CAPN2: variants seen among roughly 807,000 people sequenced by gnomAD.
CAPN2 encodes the protein calpain 2.
CAPN2 carries 92 observed loss-of-function variants against 102.3 expected under a neutral mutation model. The observed-to-expected ratio is 0.90, with a 90% CI of 0.76 to 1.07. The LOEUF (loss-of-function observed/expected upper bound fraction) is 1.07. Ranked by LOEUF, CAPN2 falls within the 50% of genes least tolerant of loss-of-function variation. CAPN2 has a pLI of 0.00. For missense variants in CAPN2, 800 were observed against 909.4 expected (o/e 0.88, Z 1.55); for synonymous variants, 340 against 355.4 (o/e 0.96, Z 0.49).
rs1287564299 is a variant in CAPN2 at position 223,755,802 on chromosome 1, G to A, written c.1305+153G>A. 2.5e-6 allele frequency: 2 copies of A among 786,322 alleles called. No homozygotes were observed. The highest frequency in any genetic ancestry group is 1.8e-5 in the African/African-American group (1 of 56,802). 48.7% of individuals were successfully genotyped at this position (786,322 alleles called of 1,614,324 possible). A position where few individuals can be genotyped will look rare whatever the true frequency, so the allele number is the denominator to read the frequency against. On this transcript the variant is annotated intron_variant, in intron 10 of 20. Coordinates refer to ENST00000295006, the MANE Select transcript of CAPN2 (RefSeq NM_001748.5). The surrounding 1 kb of genome is among the most constrained non-coding windows in gnomAD (Gnocchi z 4.1). ...AAACTACCAGCCTGGCCAGGCTCAG[G>A]AGTAGCCCCCGTAGGGAGGCCCCTG... is the stretch of plus-strand genomic sequence containing the variant.
In CAPN2 at chr1:223,727,432, C is replaced by A. The variant is rs906406556; in HGVS notation, c.307+9601C>A. On this transcript the variant is annotated intron_variant, in intron 2 of 20. Coordinates refer to ENST00000295006, the MANE Select transcript of CAPN2 (RefSeq NM_001748.5). This position sits in a 1 kb window ranked among gnomAD's most constrained non-coding sequence, Gnocchi z 4.1. ...AATGTCTGCAGACCTTGCCAAATGTCCCCTGGGGGCTTGGCGGAGTTGGGG... is the reference window on the plus strand; with the variant it reads ...AATGTCTGCAGACCTTGCCAAATGTACCCTGGGGGCTTGGCGGAGTTGGGG... Among the ~76,000 whole-genome samples, 2 of 152,158 alleles carry A rather than the reference C, an allele frequency of 1.3e-5. No homozygotes were observed. Among genetic ancestry groups the A allele is most frequent in the Non-Finnish European group, 2.9e-5 (2 of 68,036 alleles).
Position 223,754,013 on chromosome 1 carries a change from C to G in CAPN2, c.1135+1057C>G, listed in dbSNP as rs776179114. Among the ~76,000 whole-genome samples the G allele has an allele frequency of 6.6e-6, 1 of 152,240 alleles. No individual in the cohort carries two copies. The highest frequency in any genetic ancestry group is 1.5e-5 in the Non-Finnish European group (1 of 68,046). The stretch of plus-strand genomic sequence containing the variant: ...TCCCAACAAACTTCTGAGGCAGGCA[C>G]TTTCTTATCACCTCCATCTCTAAGA... On this transcript the variant is annotated intron_variant, in intron 9 of 20. Coordinates refer to ENST00000295006, the MANE Select transcript of CAPN2 (RefSeq NM_001748.5). This position sits in a 1 kb window ranked among gnomAD's most constrained non-coding sequence, Gnocchi z 4.7.
rs751223897 is a variant in CAPN2, at chr1:223,774,883, T to A, written c.*26T>A. On this transcript the variant is annotated 3_prime_UTR_variant, in exon 21 of 21. Transcript: ENST00000295006. Reference sequence around the variant, plus strand: ...AGTTATAACTAATCTGCCTGAAGACTTCTCATGATGGAAAATCAGCCAAGG... The same window carrying A: ...AGTTATAACTAATCTGCCTGAAGACATCTCATGATGGAAAATCAGCCAAGG... The A allele has an allele frequency of 6.2e-7, 1 of 1,604,938 alleles. No individual in the cohort carries two copies. The highest frequency in any genetic ancestry group is 1.1e-5 in the South Asian group (1 of 90,364).
intron 5 of CAPN2, among the ~76,000 whole-genome samples, chr1:223,747,425 T>C (rs1015830107): frequency 4.8e-4 from 73 of 152,276 alleles, no homozygotes; most frequent in African/African-American, 1.7e-3. Context: ...CTACCACGCA[T>C]TGGGATACAG....
At chr1:223,737,020 C>T (rs1015257701) in intron 2 of CAPN2, among the ~76,000 whole-genome samples, 1 of 151,924 alleles carries the variant, frequency 6.6e-6, no homozygotes, top group Non-Finnish European at 1.5e-5. Flanking sequence ...GCCTGGGTGA[C>T]AGAGTGAGAA....
At position 223,704,061 on chromosome 1, in the gene CAPN2, C is replaced by A. The variant is rs182782610; in HGVS notation, c.3+2230C>A. On this transcript the variant is annotated intron_variant, in intron 1 of 20. Transcript: ENST00000433674. ...ATCCGAGCACTTTGTGAGGCCAGGG[C>A]AGGCAGATCACTTGAGGTCAGGAGT... Among the ~76,000 whole-genome samples the A allele has an allele frequency of 2.2e-3, 333 of 152,250 alleles. 2 individuals carry two copies. The highest frequency in any genetic ancestry group is 4.0e-3 in the Non-Finnish European group (270 of 68,016).
At chr1:223,719,998 C>T (rs1270506044) in intron 2 of CAPN2, among the ~76,000 whole-genome samples, 3 of 152,168 alleles carry the variant, frequency 2.0e-5, no homozygotes, top group Non-Finnish European at 4.4e-5. Flanking sequence ...TCACCAAATC[C>T]CAACAGCCTC....
chr1:223,716,851 C>T (rs900351175), intron 1 of CAPN2, among the ~76,000 whole-genome samples: 1 of 151,992 alleles, frequency 6.6e-6, no homozygotes, highest in Admixed American at 6.6e-5. Flanking sequence ...ATGACAATGG[C>T]CCCTGAGGTT....
chr1:223,753,220 G>A (rs1299879189), intron 9 of CAPN2, among the ~76,000 whole-genome samples: 1 of 152,030 alleles, frequency 6.6e-6, no homozygotes, highest in African/African-American at 2.4e-5. Context: ...TCCTCTCCAG[G>A]CCCTAGATTC....
At chr1:223,712,441 GGGCCGGGAGCCCAGCA>G (rs955540474), upstream of CAPN2, 9 of 1,113,052 alleles carry the variant, frequency 8.1e-6, no homozygotes, top group African/African-American at 5.0e-5. Flanking sequence ...GCCTGGTCCC[GGGCCGGGAGCCCAGCA>G]GGCCGGGAGC....
chr1:223,756,516 T>G lies in CAPN2; in HGVS notation c.1306-853T>G, dbSNP rs1391834490. ...CCCTGGCAGGGACCTGTTTACACCA[T>G]GGAAAGTGGCAAATAGTACAAATCA... On this transcript the variant is annotated intron_variant, in intron 10 of 20. Coordinates refer to ENST00000295006, the MANE Select transcript of CAPN2 (RefSeq NM_001748.5). This position sits in a 1 kb window ranked among gnomAD's most constrained non-coding sequence, Gnocchi z 4.1. Among the ~76,000 whole-genome samples the G allele has an allele frequency of 6.6e-6, 1 of 152,090 alleles. No individual in the cohort carries two copies. The highest frequency in any genetic ancestry group is 6.5e-5 in the Admixed American group (1 of 15,268).
chr1:223,715,799 G>A (rs370176734), intron 1 of CAPN2, among the ~76,000 whole-genome samples: 1 of 152,158 alleles, frequency 6.6e-6, no homozygotes, highest in Admixed American at 6.5e-5. Flanking sequence ...TCAGCTGGCC[G>A]AACTCAGCCT....
chr1:223,741,540 C>T (rs996704257), intron 2 of CAPN2, among the ~76,000 whole-genome samples: 4 of 150,746 alleles, frequency 2.7e-5, no homozygotes, highest in Non-Finnish European at 2.9e-5. Flanking sequence ...CTGCAACCTC[C>T]GCTTCCTGGA....
At position 223,727,238 on chromosome 1, in the gene CAPN2, G is replaced by T. The variant is rs1660218236; in HGVS notation, c.307+9407G>T. Among the ~76,000 whole-genome samples the T allele has an allele frequency of 3.3e-5, 5 of 152,196 alleles. No homozygotes were observed. Among genetic ancestry groups the T allele is most frequent in the Admixed American group, 3.3e-4 (5 of 15,280 alleles). ...AGCATGCAAAACAAAAGAACAAAAG[G>T]TCTAAAGAAATATAACGCAAAACAG... On this transcript the variant is annotated intron_variant, in intron 2 of 20. Transcript: ENST00000295006. The surrounding 1 kb of genome is among the most constrained non-coding windows in gnomAD (Gnocchi z 4.1).
rs966792679 is a variant in CAPN2 at position 223,759,117 on chromosome 1, T to C, written c.1318-153T>C. On this transcript the variant is annotated intron_variant, in intron 11 of 20. Coordinates refer to ENST00000295006, the MANE Select transcript of CAPN2 (RefSeq NM_001748.5). This position sits in a 1 kb window ranked among gnomAD's most constrained non-coding sequence, Gnocchi z 4.6. ...TGAGGGCTTCCTGTGTTGCCCAGGCTGGTTTCTGACGCCTGGCCTCGCCTC... is the reference window on the plus strand; with the variant it reads ...TGAGGGCTTCCTGTGTTGCCCAGGCCGGTTTCTGACGCCTGGCCTCGCCTC... The C allele has an allele frequency of 5.8e-6, 4 of 694,654 alleles. No individual in the cohort carries two copies. Among genetic ancestry groups the C allele is most frequent in the Non-Finnish European group, 1.0e-5 (4 of 385,090 alleles). 43.0% of individuals were successfully genotyped at this position (694,654 alleles called of 1,614,324 possible). A position where few individuals can be genotyped will look rare whatever the true frequency, so the allele number is the denominator to read the frequency against.
intron 2 of CAPN2, 118 bp from the exon 3 acceptor site, chr1:223,743,982 C>T (rs1660686684): frequency 1.4e-6 from 1 of 723,228 alleles, no homozygotes; most frequent in Non-Finnish European, 2.5e-6. Context: ...CCTGAAACTT[C>T]ACTCTGTCTA....
rs2102807293 is a variant in CAPN2, at chr1:223,756,983, C to T, written c.1306-386C>T. ...AGGAAATGCAGACCGGACCACTGGACCTGGCTGACAGAGGCCGGCACTGCT... is the reference window on the plus strand; with the variant it reads ...AGGAAATGCAGACCGGACCACTGGATCTGGCTGACAGAGGCCGGCACTGCT... On this transcript the variant is annotated intron_variant, in intron 10 of 20. Coordinates refer to ENST00000295006, the MANE Select transcript of CAPN2 (RefSeq NM_001748.5). The surrounding 1 kb of genome is among the most constrained non-coding windows in gnomAD (Gnocchi z 4.1). 6.6e-6 allele frequency among the ~76,000 whole-genome samples: 1 copy of T among 152,264 alleles called. No homozygotes were observed. Among genetic ancestry groups the T allele is most frequent in the South Asian group, 2.1e-4 (1 of 4,828 alleles).
chr1:223,728,207 C>T (rs955148087), intron 2 of CAPN2, among the ~76,000 whole-genome samples: 1 of 152,080 alleles, frequency 6.6e-6, no homozygotes, highest in Non-Finnish European at 1.5e-5. Flanking sequence ...TGAAGGATGA[C>T]GGGGCTGAGC....
rs199564034 is a variant in CAPN2 at position 223,756,675 on chromosome 1, C to T, written c.1306-694C>T. On this transcript the variant is annotated intron_variant, in intron 10 of 20. Coordinates refer to ENST00000295006, the MANE Select transcript of CAPN2 (RefSeq NM_001748.5). The surrounding 1 kb of genome is among the most constrained non-coding windows in gnomAD (Gnocchi z 4.1). ...CATGGAACACTGACTTCTACCTGCT[C>T]ACCCACCTGAGAAAGGCAGCTGGGC... 3.3e-5 allele frequency among the ~76,000 whole-genome samples: 5 copies of T among 152,204 alleles called. No homozygotes were observed. Among genetic ancestry groups the T allele is most frequent in the African/African-American group, 4.8e-5 (2 of 41,454 alleles).
Sources: gnomAD v4.1 joint callset for allele counts (sites outside exome capture counted in the v4.1 genomes callset) on GRCh38, gnomAD v4.1.1 for gene constraint, Gnocchi (gnomAD v3.1) non-coding constraint, MANE v1.5 for transcripts, NCBI Gene and HGNC (gene_info 2026-07-23, HGNC 2026-07-21) for gene names.